Variants in DGKI observed in about 807,000 individuals in gnomAD.
DGKI encodes diacylglycerol kinase iota, also known as DAG kinase iota.
DGKI carries 55 observed loss-of-function variants against 147.5 expected under a neutral mutation model. That is an observed-to-expected ratio of 0.37 (90% confidence interval 0.30 to 0.47). The LOEUF (loss-of-function observed/expected upper bound fraction) is 0.47, where lower values mean the gene tolerates loss of function less well. Ranked by LOEUF, DGKI falls within the 20% of genes least tolerant of loss-of-function variation. The probability of loss-of-function intolerance (pLI) is 1.00; values close to 1 mark genes in which losing one functional copy is unlikely to be tolerated. For missense variants in DGKI, 1,007 were observed against 1,323.8 expected, an observed-to-expected ratio of 0.76 and a Z score of 3.71; for synonymous variants, 469 against 477.1, an observed-to-expected ratio of 0.98 and a Z score of 0.22.
At chr7:137,563,640 A>G (rs1286431398) in intron 19 of DGKI, among the ~76,000 whole-genome samples, 1 of 150,430 alleles carries the variant, frequency 6.6e-6, no homozygotes, top group Non-Finnish European at 1.5e-5. Context: ...AGACACACAT[A>G]TAGTTATTTC....
chr7:137,383,396 A>T lies in DGKI; in HGVS notation c.*7824T>A, dbSNP rs966106437. The T allele has an allele frequency of 6.6e-6, 1 of 151,772 alleles. No homozygotes were observed. Among genetic ancestry groups the T allele is most frequent in the Non-Finnish European group, 1.5e-5 (1 of 67,870 alleles). 9.4% of individuals were successfully genotyped at this position (151,772 alleles called of 1,614,324 possible). Reference sequence around the variant, plus strand: ...TCCCCGCTGCTAAGTGATTTGGGATATATTTGCAATGATGGAAGCTTTTTT... The same window carrying T: ...TCCCCGCTGCTAAGTGATTTGGGATTTATTTGCAATGATGGAAGCTTTTTT... On this transcript the variant is annotated 3_prime_UTR_variant, in exon 33 of 33. Coordinates refer to ENST00000614521, the MANE Select transcript of DGKI (RefSeq NM_001321708.2).
intron 1 of DGKI, among the ~76,000 whole-genome samples, chr7:137,709,970 A>G (rs887660499): frequency 3.9e-5 from 6 of 152,066 alleles, no homozygotes; most frequent in Admixed American, 1.3e-4. Flanking sequence ...AACAGAAAAA[A>G]TAGTAAATTA....
At chr7:137,495,702 C>CTTT (rs1815941785) in intron 21 of DGKI, among the ~76,000 whole-genome samples, 2 of 151,696 alleles carry the variant, frequency 1.3e-5, no homozygotes, top group African/African-American at 4.8e-5. Flanking sequence ...AACTAAAGAC[C>CTTT]AAAACTACAT....
intron 1 of DGKI, among the ~76,000 whole-genome samples, chr7:137,825,767 G>C (rs1798042177): frequency 6.6e-6 from 1 of 152,066 alleles, no homozygotes; most frequent in Non-Finnish European, 1.5e-5. Context: ...AACATGGATG[G>C]ACGGTGACAC....
chr7:137,842,452 T>C (rs1478893301), intron 1 of DGKI, among the ~76,000 whole-genome samples: 2 of 152,170 alleles, frequency 1.3e-5, no homozygotes, highest in Non-Finnish European at 2.9e-5. Context: ...AAAACTTCCT[T>C]TAAGAAAGGT....
intron 2 of DGKI, among the ~76,000 whole-genome samples, chr7:137,684,732 G>A (rs1823358136): frequency 6.6e-6 from 1 of 152,214 alleles, no homozygotes; most frequent in Non-Finnish European, 1.5e-5. Context: ...CTTATGCGCT[G>A]CTCAACAAAC....
At chr7:137,652,675 A>G (rs1200217224) in intron 5 of DGKI, among the ~76,000 whole-genome samples, 1 of 146,724 alleles carries the variant, frequency 6.8e-6, no homozygotes, top group African/African-American at 2.8e-5. Context: ...ATGGGAGAAG[A>G]CAACTGATGG....
chr7:137,688,766 A>G (rs1251206161), intron 2 of DGKI, among the ~76,000 whole-genome samples: 4 of 152,226 alleles, frequency 2.6e-5, no homozygotes, highest in Non-Finnish European at 5.9e-5. Flanking sequence ...TTGTGGGTTA[A>G]GAGTTTATTA....
Position 137,559,111 on chromosome 7 carries a change from G to A in DGKI, c.1948-6543C>T, listed in dbSNP as rs1320940756. ...TTTTGAGACGGAGTCTCGCTCTGTC[G>A]CCCAGGCTGGAGTGCAGTGGCGGGA... On this transcript the variant is annotated intron_variant, in intron 19 of 32. Transcript: ENST00000614521. Among the ~76,000 whole-genome samples, 240 of 102,764 alleles carry A rather than the reference G, an allele frequency of 2.3e-3. 1 individual carries two copies. Among genetic ancestry groups the A allele is most frequent in the African/African-American group, 9.5e-3 (228 of 24,034 alleles). 67.4% of individuals were successfully genotyped at this position (102,764 alleles called of 152,430 possible). A position where few individuals can be genotyped will look rare whatever the true frequency, so the allele number is the denominator to read the frequency against.
chr7:137,786,773 C>T (rs1796684283), intron 1 of DGKI, among the ~76,000 whole-genome samples: 1 of 151,658 alleles, frequency 6.6e-6, no homozygotes, highest in South Asian at 2.1e-4. Context: ...GTATAAAAAT[C>T]AGCACATAGA....
chr7:137,766,368 TTAAG>T (rs940380498), intron 1 of DGKI, among the ~76,000 whole-genome samples: 1 of 152,158 alleles, frequency 6.6e-6, no homozygotes, highest in African/African-American at 2.4e-5. Flanking sequence ...ATGAAAGTAA[TTAAG>T]TTTTTTTAAA....
At chr7:137,523,424 C>T (rs1264177451) in intron 20 of DGKI, among the ~76,000 whole-genome samples, 1 of 146,192 alleles carries the variant, frequency 6.8e-6, no homozygotes, top group Non-Finnish European at 1.5e-5. Flanking sequence ...ATGGTGCATT[C>T]TCTCTCTCTT....
intron 1 of DGKI, among the ~76,000 whole-genome samples, chr7:137,727,906 G>A (rs1369344296): frequency 2.0e-5 from 3 of 151,926 alleles, no homozygotes; most frequent in Admixed American, 6.6e-5. Context: ...ATAATCCATC[G>A]GAGCAGAATT....
chr7:137,444,041 T>C (rs543917465), intron 28 of DGKI, 36 bp downstream of exon 28: 1 of 1,538,104 alleles, frequency 6.5e-7, no homozygotes, highest in South Asian at 1.2e-5. Flanking sequence ...CAAGTTTCAA[T>C]CCTGAATTGG....
intron 19 of DGKI, among the ~76,000 whole-genome samples, chr7:137,562,145 T>C (rs1313837043): frequency 6.6e-6 from 1 of 152,208 alleles, no homozygotes; most frequent in Non-Finnish European, 1.5e-5. Context: ...TTGTCTTTCA[T>C]CTCTTAATTT....
chr7:137,696,223 T>C (rs1823776271), intron 1 of DGKI, among the ~76,000 whole-genome samples: 1 of 152,182 alleles, frequency 6.6e-6, no homozygotes, highest in Non-Finnish European at 1.5e-5. Context: ...ACAGAAGATT[T>C]CCTCTTCTAG....
chr7:137,454,462 T>C (rs973531706), intron 27 of DGKI, among the ~76,000 whole-genome samples: 1 of 152,106 alleles, frequency 6.6e-6, no homozygotes, highest in Non-Finnish European at 1.5e-5. Flanking sequence ...TGAGGAAGAA[T>C]GGGCGACAGT....
chr7:137,381,233 GA>G lies in DGKI; in HGVS notation c.*9986del, dbSNP rs1349075912. On this transcript the variant is annotated 3_prime_UTR_variant, in exon 33 of 33. Transcript: ENST00000614521. ...AAATAGGAAATGCAAGAAAATTAGGGAAAAATACTTTATGACTTTGTTACAA... is the reference window on the plus strand; with the variant it reads ...AAATAGGAAATGCAAGAAAATTAGGGAAAATACTTTATGACTTTGTTACAA... 1 of 151,474 alleles carries G rather than the reference GA, an allele frequency of 6.6e-6. No individual in the cohort carries two copies. The highest frequency in any genetic ancestry group is 1.5e-5 in the Non-Finnish European group (1 of 67,886). 9.4% of individuals were successfully genotyped at this position (151,474 alleles called of 1,614,324 possible).
At chr7:137,476,022 A>C (rs183505132) in intron 23 of DGKI, among the ~76,000 whole-genome samples, 1 of 152,282 alleles carries the variant, frequency 6.6e-6, no homozygotes, top group Non-Finnish European at 1.5e-5. Flanking sequence ...GGGGCTAAAA[A>C]CCTTTGTTCT....
Sources: allele counts gnomAD v4.1 joint callset (sites outside exome capture counted in the v4.1 genomes callset), GRCh38; gene constraint gnomAD v4.1.1; transcripts MANE v1.5; gene names NCBI Gene and HGNC (gene_info 2026-07-23, HGNC 2026-07-21).